The following TENM3 variants were observed in gnomAD, a reference collection of about 807,000 sequenced individuals.
TENM3 encodes the protein teneurin transmembrane protein 3, also known as teneurin-3.
In TENM3, 63 loss-of-function variants were observed where a neutral mutation model predicts 255.1. The ratio of observed to expected loss-of-function variants is 0.25; its 90% CI spans 0.20 to 0.30. TENM3 has a LOEUF of 0.30. TENM3 is among the 10% of genes least tolerant of loss of function. The pLI is 1.00. For synonymous variants in TENM3, 1,306 were observed against 1,322.3 expected, an observed-to-expected ratio of 0.99 and a Z score of 0.27; for missense variants, 2,929 against 3,461.1, an observed-to-expected ratio of 0.85 and a Z score of 3.86.
At chr4:182,148,052 A>T (rs1437597995) in intron 1 of TENM3, among the ~76,000 whole-genome samples, 1 of 152,190 alleles carries the variant, frequency 6.6e-6, no homozygotes, top group Admixed American at 6.5e-5. Context: ...CTTAGTCTGA[A>T]AACTAATTGT....
chr4:182,681,907 T>C lies in TENM3; in HGVS notation c.1928T>C (p.Ile643Thr), dbSNP rs910977123. The change falls in exon 11 of 28, where the codon ATA becomes ACA. Residue 643 changes from isoleucine to threonine, a missense_variant. This residue lies in a region of TENM3 where 1,608 missense variants were observed against 1,884.4 expected (regional missense o/e 0.85). Transcript: ENST00000511685. ...SPGWGGSNCE[I>T]LKTMCPDQCS... Reference sequence around the variant, plus strand: ...GGATGGGGAGGTAGCAATTGTGAAATACTGAAGACCATGTGTCCAGACCAG... The same window carrying C: ...GGATGGGGAGGTAGCAATTGTGAAACACTGAAGACCATGTGTCCAGACCAG... 4.6e-5 allele frequency: 74 copies of C among 1,613,832 alleles called. No individual in the cohort carries two copies. The highest frequency in any genetic ancestry group is 6.1e-5 in the Non-Finnish European group (72 of 1,179,862).
At chr4:182,761,646 G>A (rs1301409218) in intron 22 of TENM3, among the ~76,000 whole-genome samples, 1 of 151,956 alleles carries the variant, frequency 6.6e-6, no homozygotes, top group Non-Finnish European at 1.5e-5. Flanking sequence ...ATCTTAAAAT[G>A]GTGCTCAGCC....
the TENM3 span, among the ~76,000 whole-genome samples, chr4:181,892,988 A>G: frequency 0.011 from 1,720 of 152,260 alleles, 21 homozygotes; most frequent in South Asian, 0.016. Flanking sequence ...AGTTTCTGGG[A>G]TGTTTCCCCA....
chr4:182,602,109 C>T (rs750315097), intron 4 of TENM3, among the ~76,000 whole-genome samples: 1 of 152,230 alleles, frequency 6.6e-6, no homozygotes, highest in African/African-American at 2.4e-5. Flanking sequence ...TGGACAGGAG[C>T]GTAACAGTCA....
At chr4:182,173,309 AG>A (rs1324781624) in intron 1 of TENM3, among the ~76,000 whole-genome samples, 9 of 152,246 alleles carry the variant, frequency 5.9e-5, no homozygotes, top group African/African-American at 2.2e-4. Flanking sequence ...ATGCAATGTC[AG>A]AGTGAACATT....
chr4:181,920,682 T>C, the TENM3 span, among the ~76,000 whole-genome samples: 1 of 151,866 alleles, frequency 6.6e-6, no homozygotes, highest in Admixed American at 6.6e-5. Flanking sequence ...ATTTTGTAGG[T>C]TGCCTGTTCA....
chr4:182,467,565 C>T (rs1026404226), intron 3 of TENM3, among the ~76,000 whole-genome samples: 8 of 151,968 alleles, frequency 5.3e-5, no homozygotes, highest in African/African-American at 1.9e-4. Context: ...GTTATGTTCC[C>T]GAGGAATGAT....
chr4:182,179,155 T>C (rs1253276605), intron 1 of TENM3, among the ~76,000 whole-genome samples: 1 of 152,242 alleles, frequency 6.6e-6, no homozygotes, highest in Non-Finnish European at 1.5e-5. Context: ...CAAAATGCTT[T>C]TAAGGACCCC....
the TENM3 span, among the ~76,000 whole-genome samples, chr4:182,010,038 C>T: frequency 1.6e-4 from 24 of 151,002 alleles, no homozygotes; most frequent in African/African-American, 5.6e-4. Flanking sequence ...CTAGTCAGTT[C>T]TGATGAGTGA....
the TENM3 span, among the ~76,000 whole-genome samples, chr4:181,803,245 A>T: frequency 6.6e-6 from 1 of 152,196 alleles, no homozygotes. Context: ...CATGCTTGCT[A>T]AATATCCAAA....
chr4:181,533,991 G>GTGAA, the TENM3 span, among the ~76,000 whole-genome samples: 2 of 152,196 alleles, frequency 1.3e-5, no homozygotes, highest in African/African-American at 4.8e-5. Context: ...AGTGAATCTA[G>GTGAA]TGAATACTCC....
chr4:182,412,902 T>C (rs1770097078), intron 3 of TENM3, among the ~76,000 whole-genome samples: 1 of 149,904 alleles, frequency 6.7e-6, no homozygotes, highest in Non-Finnish European at 1.5e-5. Context: ...TGAAAACAAA[T>C]GAAACAAATA....
chr4:182,679,633 C>CT, intron 7 of TENM3, 33 bp from the exon 8 acceptor site: 1 of 1,545,780 alleles, frequency 6.5e-7, no homozygotes, highest in East Asian at 2.3e-5. Context: ...CACCCTTTAT[C>CT]TTTCTGACTA....
rs1765937473 is a variant in TENM3, at chr4:182,789,484, A to G, written c.5601+95A>G. On this transcript the variant is annotated intron_variant, in intron 25 of 27. Transcript: ENST00000511685. This position sits in a 1 kb window ranked among gnomAD's most constrained non-coding sequence, Gnocchi z 4.4. ...CTAAGGGGAAAAAAAACAGTGGCAC[A>G]TGACTGAGTTCCATTTGTTATTCGA... 2 of 1,143,090 alleles carry G rather than the reference A, an allele frequency of 1.7e-6. No homozygotes were observed. Among genetic ancestry groups the G allele is most frequent in the African/African-American group, 3.1e-5 (2 of 64,152 alleles). 70.8% of individuals were successfully genotyped at this position (1,143,090 alleles called of 1,614,324 possible).
At chr4:182,465,768 T>G (rs913893469) in intron 3 of TENM3, among the ~76,000 whole-genome samples, 1 of 152,160 alleles carries the variant, frequency 6.6e-6, no homozygotes, top group African/African-American at 2.4e-5. Context: ...ACTAACCATA[T>G]ACACTGTTGT....
At chr4:182,509,827 C>A (rs895963323) in intron 3 of TENM3, among the ~76,000 whole-genome samples, 1 of 150,898 alleles carries the variant, frequency 6.6e-6, no homozygotes, top group Non-Finnish European at 1.5e-5. Context: ...ATCCCAGCTA[C>A]TTGGGAGGCT....
At chr4:181,937,312 G>T in the TENM3 span, among the ~76,000 whole-genome samples, 2 of 152,218 alleles carry the variant, frequency 1.3e-5, no homozygotes, top group African/African-American at 4.8e-5. Context: ...TGCTTTTGAT[G>T]CTAAGTGCAT....
At chr4:182,235,386 G>A (rs565797459) in intron 1 of TENM3, among the ~76,000 whole-genome samples, 1 of 152,294 alleles carries the variant, frequency 6.6e-6, no homozygotes, top group East Asian at 1.9e-4. Flanking sequence ...ACCTTCCCAG[G>A]CGGTGGTTCT....
chr4:182,168,524 C>T (rs1443313957), intron 1 of TENM3, among the ~76,000 whole-genome samples: 1 of 152,194 alleles, frequency 6.6e-6, no homozygotes, highest in Non-Finnish European at 1.5e-5. Flanking sequence ...TTGTGTTAAG[C>T]TCCTGGATCT....
Sources: gnomAD v4.1 joint callset for allele counts (sites outside exome capture counted in the v4.1 genomes callset) on GRCh38, gnomAD v4.1.1 for gene constraint, gnomAD v4.1.1 regional missense constraint, Gnocchi (gnomAD v3.1) non-coding constraint, MANE v1.5 for transcripts, NCBI Gene and HGNC (gene_info 2026-07-23, HGNC 2026-07-21) for gene names.